The following CPPED1 variants were observed in gnomAD, a reference collection of about 807,000 sequenced individuals.
CPPED1 encodes the protein serine/threonine-protein phosphatase CPPED1.
In CPPED1, 28 loss-of-function variants were observed where a neutral mutation model predicts 28.0. The ratio of observed to expected loss-of-function variants is 1.00; its 90% CI spans 0.74 to 1.37. The LOEUF is 1.37. Among genes scored for constraint, CPPED1 ranks in the 40% most tolerant of loss-of-function variants. The probability of loss-of-function intolerance (pLI) is 0.00; values close to 1 mark genes in which losing one functional copy is unlikely to be tolerated. For synonymous variants in CPPED1, 198 were observed against 180.2 expected (o/e 1.10, Z -0.79); for missense variants, 504 against 416.5 (o/e 1.21, Z -1.83).
intron 1 of CPPED1, among the ~76,000 whole-genome samples, chr16:12,797,804 G>A (rs529028689): frequency 6.6e-6 from 1 of 152,184 alleles, no homozygotes; most frequent in African/African-American, 2.4e-5. Context: ...GTGGCCAGCA[G>A]ACCATGGGTT....
chr16:12,785,251 T>G (rs1321909552), intron 1 of CPPED1, among the ~76,000 whole-genome samples: 1 of 152,172 alleles, frequency 6.6e-6, no homozygotes, highest in African/African-American at 2.4e-5. Context: ...GAATTGTGTT[T>G]TTTTAATTTA....
intron 2 of CPPED1, among the ~76,000 whole-genome samples, chr16:12,728,612 G>A (rs930453227): frequency 6.6e-6 from 1 of 152,186 alleles, no homozygotes; most frequent in Non-Finnish European, 1.5e-5. Flanking sequence ...GGCAGGCACT[G>A]AGCACTTTAC....
At chr16:12,788,902 T>G (rs1436141299) in intron 1 of CPPED1, among the ~76,000 whole-genome samples, 4 of 152,178 alleles carry the variant, frequency 2.6e-5, no homozygotes. Context: ...AGCACAGGGT[T>G]GATTTGAGGC....
chr16:12,749,749 G>A (rs532857717), intron 2 of CPPED1, among the ~76,000 whole-genome samples: 36 of 152,158 alleles, frequency 2.4e-4, no homozygotes, highest in Non-Finnish European at 3.7e-4. Context: ...CACCATACCT[G>A]GCTAATTTTT....
At chr16:12,755,392 C>T (rs1490240020) in intron 2 of CPPED1, among the ~76,000 whole-genome samples, 1 of 151,766 alleles carries the variant, frequency 6.6e-6, no homozygotes, top group African/African-American at 2.4e-5. Flanking sequence ...AGCAATCCTC[C>T]TACCTCAGCC....
At chr16:12,687,669 G>A (rs2141176088) in intron 3 of CPPED1, among the ~76,000 whole-genome samples, 1 of 152,292 alleles carries the variant, frequency 6.6e-6, no homozygotes, top group South Asian at 2.1e-4. Flanking sequence ...TACTCGGAAG[G>A]CTGAGGTTGC....
chr16:12,766,392 T>TA (rs923659486), intron 2 of CPPED1, among the ~76,000 whole-genome samples: 2 of 151,700 alleles, frequency 1.3e-5, no homozygotes, highest in Admixed American at 6.6e-5. Context: ...TAATTGGACT[T>TA]ACAGCTTCAC....
chr16:12,768,181 T>C, intron 2 of CPPED1, among the ~76,000 whole-genome samples: 1 of 152,204 alleles, frequency 6.6e-6, no homozygotes, highest in East Asian at 1.9e-4. Context: ...TGTTTCGCCC[T>C]GCGGTTTTGT....
rs79605248 is a variant in CPPED1, at chr16:12,785,978, T to C, written c.71-4575A>G. Among the ~76,000 whole-genome samples the C allele has an allele frequency of 1.9e-3, 290 of 152,212 alleles. 1 individual carries two copies. Among genetic ancestry groups the C allele is most frequent in the African/African-American group, 6.3e-3 (260 of 41,544 alleles). On this transcript the variant is annotated intron_variant, in intron 1 of 3. Transcript: ENST00000381774. ...AAAAGACACTCAGGGGTCCAGTTTT[T>C]TCCCCCTACCTTTCCTAGCTTAAAT...
intron 2 of CPPED1, among the ~76,000 whole-genome samples, chr16:12,708,972 C>G (rs967702786): frequency 6.6e-6 from 1 of 152,158 alleles, no homozygotes; most frequent in Non-Finnish European, 1.5e-5. Flanking sequence ...CCCAGCTACT[C>G]AGGAGGCTGA....
intron 2 of CPPED1, among the ~76,000 whole-genome samples, chr16:12,768,309 T>A (rs1468919617): frequency 6.6e-6 from 1 of 152,260 alleles, no homozygotes; most frequent in Non-Finnish European, 1.5e-5. Flanking sequence ...GGCGAGGCTC[T>A]CTGTTTTCAC....
intron 2 of CPPED1, among the ~76,000 whole-genome samples, chr16:12,731,244 C>T (rs191179750): frequency 6.6e-6 from 1 of 151,636 alleles, no homozygotes; most frequent in Non-Finnish European, 1.5e-5. Flanking sequence ...AGCTCCACCC[C>T]CCGGGTTCAT....
chr16:12,741,254 G>C (rs2080253612), intron 2 of CPPED1, among the ~76,000 whole-genome samples: 1 of 150,060 alleles, frequency 6.7e-6, no homozygotes, highest in African/African-American at 2.4e-5. Flanking sequence ...TTTCACATCA[G>C]ACTTTTAAAA....
intron 2 of CPPED1, among the ~76,000 whole-genome samples, chr16:12,761,516 G>A (rs935413562): frequency 3.3e-5 from 5 of 152,078 alleles, no homozygotes; most frequent in Admixed American, 3.3e-4. Flanking sequence ...ATTTACATTA[G>A]TAACAAGCTC....
At chr16:12,729,405 G>C (rs1478135935) in intron 2 of CPPED1, among the ~76,000 whole-genome samples, 1 of 152,140 alleles carries the variant, frequency 6.6e-6, no homozygotes, top group Non-Finnish European at 1.5e-5. Context: ...TGTATACAAA[G>C]ATTTTTGCAA....
At chr16:12,767,003 AT>A (rs11408805) in intron 2 of CPPED1, among the ~76,000 whole-genome samples, 37,959 of 149,226 alleles carry the variant, frequency 0.25, 4,895 homozygotes, top group East Asian at 0.3. Context: ...AGAGGTCCTC[AT>A]TTTTTTTTTT....
chr16:12,779,134 T>C (rs1596482055), intron 2 of CPPED1, among the ~76,000 whole-genome samples: 2 of 152,218 alleles, frequency 1.3e-5, no homozygotes, highest in Non-Finnish European at 2.9e-5. Flanking sequence ...TACGAGAACA[T>C]GTTATATAAT....
At position 12,676,306 on chromosome 16, in the gene CPPED1, C is replaced by A. The variant is rs371357471; in HGVS notation, c.716-11191G>T. Among the ~76,000 whole-genome samples the A allele has an allele frequency of 9.9e-5, 15 of 152,232 alleles. No individual in the cohort carries two copies. In the East Asian group the frequency reaches 1.7e-3, roughly 18 times the overall value. ...AAGGAGTGTGGTGGGATCAACCATT[C>A]CCAGCAATCAACAACTCAAGGTCTA... On this transcript the variant is annotated intron_variant, in intron 3 of 3. Coordinates refer to ENST00000381774, the MANE Select transcript of CPPED1 (RefSeq NM_018340.3).
chr16:12,715,055 C>G, intron 2 of CPPED1, among the ~76,000 whole-genome samples: 1 of 152,020 alleles, frequency 6.6e-6, no homozygotes, highest in East Asian at 1.9e-4. Context: ...AAAAGACTAC[C>G]CTTTCCCCAT....
Sources: gnomAD v4.1 joint callset for allele counts (sites outside exome capture counted in the v4.1 genomes callset) on GRCh38, gnomAD v4.1.1 for gene constraint, MANE v1.5 for transcripts, NCBI Gene and HGNC (gene_info 2026-07-23, HGNC 2026-07-21) for gene names.